Variants in ATP2B2 observed in about 807,000 individuals in gnomAD.
ATP2B2 encodes the protein plasma membrane calcium-transporting ATPase 2.
A neutral mutation model predicts 120.0 loss-of-function variants in ATP2B2; 15 were observed. The observed-to-expected ratio is 0.12, with a 90% confidence interval of 0.08 to 0.19. The LOEUF is 0.19. Among genes scored for constraint, ATP2B2 ranks in the 10% least tolerant of loss-of-function variants. The pLI, the probability that ATP2B2 is intolerant of heterozygous loss-of-function variation, is 1.00. For missense variants in ATP2B2, 1,045 were observed against 1,719.8 expected (o/e 0.61, Z 6.94); for synonymous variants, 694 against 700.3 (o/e 0.99, Z 0.14).
intron 3 of ATP2B2, among the ~76,000 whole-genome samples, chr3:10,532,956 T>C (rs903071207): frequency 2.0e-5 from 3 of 152,238 alleles, no homozygotes; most frequent in African/African-American, 7.2e-5. Flanking sequence ...AAAGGGCTAA[T>C]GGCGGCTACT....
intron 1 of ATP2B2, among the ~76,000 whole-genome samples, chr3:10,621,175 C>T (rs958513739): frequency 3.9e-5 from 6 of 152,198 alleles, no homozygotes; most frequent in Non-Finnish European, 1.5e-5. Flanking sequence ...CCCTGATCCT[C>T]CCTTCCCCCT....
At chr3:10,675,336 C>T (rs1367610675) in intron 1 of ATP2B2, among the ~76,000 whole-genome samples, 4 of 152,306 alleles carry the variant, frequency 2.6e-5, no homozygotes, top group Middle Eastern at 3.4e-3. Context: ...TGAATGGAAT[C>T]GTTGACCACG....
chr3:10,542,638 T>A (rs1172187253), intron 2 of ATP2B2, among the ~76,000 whole-genome samples: 4 of 152,246 alleles, frequency 2.6e-5, no homozygotes. Context: ...ATAGTTCTAT[T>A]CTTTCAGCAT....
Position 10,402,381 on chromosome 3 carries a change from G to A in ATP2B2, c.398-33C>T, listed in dbSNP as rs2062251798. The A allele has an allele frequency of 2.5e-6, 4 of 1,610,148 alleles. No individual in the cohort carries two copies. Among genetic ancestry groups the A allele is most frequent in the Non-Finnish European group, 3.4e-6 (4 of 1,180,020 alleles). ...ACCAGATAGAAGCAGGCAGAGTGAGGTCAACCAGACAGGAGAGGCCTCATG... is the reference window on the plus strand; with the variant it reads ...ACCAGATAGAAGCAGGCAGAGTGAGATCAACCAGACAGGAGAGGCCTCATG... On this transcript the variant is annotated intron_variant, in intron 3 of 22. Transcript: ENST00000360273. The surrounding 1 kb of genome is among the most constrained non-coding windows in gnomAD (Gnocchi z 4.9).
chr3:10,458,689 A>G (rs1277473281), intron 1 of ATP2B2, among the ~76,000 whole-genome samples: 1 of 151,888 alleles, frequency 6.6e-6, no homozygotes, highest in East Asian at 1.9e-4. Flanking sequence ...TCTTGGTGTG[A>G]TGACTATGAT....
chr3:10,651,303 C>T (rs1042882204), intron 1 of ATP2B2, among the ~76,000 whole-genome samples: 2 of 152,130 alleles, frequency 1.3e-5, no homozygotes, highest in African/African-American at 4.8e-5. Flanking sequence ...TATCAAATTT[C>T]CATGTGTTGT....
chr3:10,550,511 A>G (rs73121357), intron 2 of ATP2B2, among the ~76,000 whole-genome samples: 4,379 of 152,180 alleles, frequency 0.029, 196 homozygotes, highest in African/African-American at 0.1. Flanking sequence ...TGTCTATGTG[A>G]TAGTTTTTTA....
chr3:10,681,899 G>C (rs1282499892), intron 1 of ATP2B2, among the ~76,000 whole-genome samples: 1 of 152,178 alleles, frequency 6.6e-6, no homozygotes, highest in Non-Finnish European at 1.5e-5. Context: ...TTGGTATAGA[G>C]AATTCATGAT....
At position 10,363,207 on chromosome 3, in the gene ATP2B2, C is replaced by T. The variant is rs139578592; in HGVS notation, c.1660-3084G>A. Reference sequence around the variant, plus strand: ...TGAACTTGAGCTCTGAAATTGCCTACGTGCATTACTAAGAATCAGGGACCC... The same window carrying T: ...TGAACTTGAGCTCTGAAATTGCCTATGTGCATTACTAAGAATCAGGGACCC... On this transcript the variant is annotated intron_variant, in intron 12 of 22. Transcript: ENST00000360273. Among the ~76,000 whole-genome samples, 752 of 152,310 alleles carry T rather than the reference C, an allele frequency of 4.9e-3. 4 individuals carry two copies. The highest frequency in any genetic ancestry group is 0.019 in the East Asian group (96 of 5,184).
chr3:10,536,831 T>C lies in ATP2B2; in HGVS notation c.-414-2698A>G, dbSNP rs540777168. On this transcript the variant is annotated intron_variant, in intron 2 of 21. Transcript: ENST00000646379. ...GCCTGAGCCACCACACCCAGCCTCT[T>C]ACTTTTTGTCTACAAGCTTTAGAGT... 2.6e-5 allele frequency among the ~76,000 whole-genome samples: 4 copies of C among 152,344 alleles called. No individual in the cohort carries two copies. The South Asian group carries it at 6.2e-4, about 24-fold the overall frequency.
chr3:10,488,288 T>TCCATCCAC (rs2065788088), intron 1 of ATP2B2, among the ~76,000 whole-genome samples: 2 of 113,890 alleles, frequency 1.8e-5, no homozygotes, highest in Admixed American at 8.5e-5. Context: ...CATGCATCCA[T>TCCATCCAC]CCACCCACCC....
chr3:10,625,754 A>C (rs1284411312), intron 1 of ATP2B2, among the ~76,000 whole-genome samples: 2 of 152,168 alleles, frequency 1.3e-5, no homozygotes, highest in Non-Finnish European at 2.9e-5. Flanking sequence ...TTGCCACCCA[A>C]GGATGGGAGG....
chr3:10,486,506 C>T (rs2065677881), intron 1 of ATP2B2, among the ~76,000 whole-genome samples: 1 of 152,126 alleles, frequency 6.6e-6, no homozygotes, highest in African/African-American at 2.4e-5. Context: ...GCAGTCACAA[C>T]AGCTGGAGTC....
chr3:10,394,219 T>C (rs2061953428), intron 5 of ATP2B2, among the ~76,000 whole-genome samples: 2 of 152,182 alleles, frequency 1.3e-5, no homozygotes, highest in Non-Finnish European at 2.9e-5. Flanking sequence ...CTGGGGGCTA[T>C]TATCTGCCTC....
chr3:10,542,605 G>C (rs2067463309), intron 2 of ATP2B2, among the ~76,000 whole-genome samples: 1 of 152,094 alleles, frequency 6.6e-6, no homozygotes, highest in Non-Finnish European at 1.5e-5. Context: ...AAATATTTTT[G>C]CTGGATATGG....
chr3:10,507,443 C>T (rs2066665907), upstream of ATP2B2, among the ~76,000 whole-genome samples: 1 of 152,212 alleles, frequency 6.6e-6, no homozygotes, highest in East Asian at 1.9e-4. Context: ...TCTGCCCTTC[C>T]CCAAGGCCCA....
rs150022051 is a variant in ATP2B2, at chr3:10,394,716, G to T, written c.781+6237C>A. Among the ~76,000 whole-genome samples the T allele has an allele frequency of 1.1e-3, 168 of 151,584 alleles. 5 individuals carry two copies. In the South Asian group the frequency reaches 0.026, roughly 24 times the overall value. ...GGGATGTGGGCAGAGTCCCAAGAGG[G>T]TTTACCGATGTCCTGCATGACCTCA... is the stretch of plus-strand genomic sequence containing the variant. On this transcript the variant is annotated intron_variant, in intron 5 of 22. Transcript: ENST00000360273.
At chr3:10,423,747 A>G (rs1052006107) in intron 2 of ATP2B2, among the ~76,000 whole-genome samples, 1 of 152,138 alleles carries the variant, frequency 6.6e-6, no homozygotes, top group Non-Finnish European at 1.5e-5. Context: ...GAGGCAGTGG[A>G]TGCAGAGTTC....
chr3:10,346,693 A>C lies in ATP2B2; in HGVS notation c.2405-556T>G, dbSNP rs928187347. 2.0e-5 allele frequency among the ~76,000 whole-genome samples: 3 copies of C among 152,182 alleles called. No homozygotes were observed. Among genetic ancestry groups the C allele is most frequent in the Non-Finnish European group, 2.9e-5 (2 of 68,030 alleles). On this transcript the variant is annotated intron_variant, in intron 16 of 22. Coordinates refer to ENST00000360273, the MANE Select transcript of ATP2B2 (RefSeq NM_001001331.4). This position sits in a 1 kb window ranked among gnomAD's most constrained non-coding sequence, Gnocchi z 4.1. Reference sequence around the variant, plus strand: ...ACGAATAACAGAATGAACAAATGACATGTGGCCCCAGTCACTGAGCTGGGG... The same window carrying C: ...ACGAATAACAGAATGAACAAATGACCTGTGGCCCCAGTCACTGAGCTGGGG...
Sources: allele counts gnomAD v4.1 joint callset (sites outside exome capture counted in the v4.1 genomes callset), GRCh38; gene constraint gnomAD v4.1.1; non-coding constraint Gnocchi (gnomAD v3.1); transcripts MANE v1.5; gene names NCBI Gene and HGNC (gene_info 2026-07-23, HGNC 2026-07-21).